The following NUDT12 variants were observed in gnomAD, a reference collection of about 807,000 sequenced individuals.
The protein encoded by NUDT12 is nudix hydrolase 12, also known as NAD-capped RNA hydrolase NUDT12.
In NUDT12, 42 loss-of-function variants were observed where a neutral mutation model predicts 45.7. That is an observed-to-expected ratio of 0.92 (90% CI 0.72 to 1.19). The LOEUF (loss-of-function observed/expected upper bound fraction) is 1.19. NUDT12 is among the 50% of genes most tolerant of loss of function. The pLI is 0.00. For synonymous variants in NUDT12, 206 were observed against 179.7 expected, an observed-to-expected ratio of 1.15 and a Z score of -1.17; for missense variants, 590 against 533.1, an observed-to-expected ratio of 1.11 and a Z score of -1.05.
intron 1 of NUDT12, among the ~76,000 whole-genome samples, chr5:103,562,064 A>G (rs1012307801): frequency 7.2e-5 from 11 of 152,324 alleles, no homozygotes; most frequent in African/African-American, 2.4e-4. Flanking sequence ...TAGAAGGTAA[A>G]GATTTGAAGG....
chr5:103,561,110 C>T (rs1295903527), intron 1 of NUDT12, among the ~76,000 whole-genome samples: 8 of 150,436 alleles, frequency 5.3e-5, no homozygotes, highest in Non-Finnish European at 1.0e-4. Context: ...CATGATTCAA[C>T]TGTCTGTGAA....
intron 6 of NUDT12, among the ~76,000 whole-genome samples, chr5:103,551,406 G>A (rs1301153226): frequency 2.0e-5 from 3 of 152,018 alleles, no homozygotes; most frequent in East Asian, 1.9e-4. Flanking sequence ...AAGCCACCAC[G>A]CCCCGCCTCA....
chr5:103,559,017 C>T lies in NUDT12; in HGVS notation c.658G>A (p.Glu220Lys). The T allele has an allele frequency of 1.2e-6, 2 of 1,613,816 alleles. No individual in the cohort carries two copies. Among genetic ancestry groups the T allele is most frequent in the Non-Finnish European group, 1.7e-6 (2 of 1,179,778 alleles). Residue 220 changes from glutamate to lysine, a missense_variant, in exon 3 of 7, where the codon GAG becomes AAG. Glu to Lys is a moderately conservative substitution (Grantham distance 56). Coordinates refer to ENST00000230792, the MANE Select transcript of NUDT12 (RefSeq NM_031438.4). ...LNYAGEVPRE[E>K]EDGLVAWFAL... ...AACCAGGCAACCAATCCATCTTCCT[C>T]CTCTCTCGGGACTTCACCAGCATAA...
At chr5:103,553,593 T>C (rs751985414) in intron 5 of NUDT12, among the ~76,000 whole-genome samples, 2 of 152,100 alleles carry the variant, frequency 1.3e-5, no homozygotes, top group Non-Finnish European at 2.9e-5. Flanking sequence ...AAGATGCTCA[T>C]AACACATGAG....
At position 103,548,973 on chromosome 5, in the gene NUDT12, T is replaced by C. The variant is rs1748567955; in HGVS notation, c.*1888A>G. The C allele has an allele frequency of 6.6e-6, 1 of 152,132 alleles. No individual in the cohort carries two copies. The highest frequency in any genetic ancestry group is 1.5e-5 in the Non-Finnish European group (1 of 67,998). 9.4% of individuals were successfully genotyped at this position (152,132 alleles called of 1,614,324 possible). A position where few individuals can be genotyped will look rare whatever the true frequency, so the allele number is the denominator to read the frequency against. The stretch of plus-strand genomic sequence containing the variant: ...CCTTCTATTTACATAGCTTTTCACC[T>C]CTCAGAGGTTGGCAATTTAAGAGTT... On this transcript the variant is annotated 3_prime_UTR_variant, in exon 7 of 7. Transcript: ENST00000230792.
At position 103,555,947 on chromosome 5, in the gene NUDT12, G is replaced by A; in HGVS notation, c.948C>T (p.Thr316=). Residue 316 remains threonine, a synonymous_variant, in exon 4 of 7, where the codon ACC becomes ACT. Transcript: ENST00000230792. Reference sequence around the variant, plus strand: ...AGGGCTTACCAACTCTTGGGTATGAGGTATTATGGACGCCATTGAGACTAG... The same window carrying A: ...AGGGCTTACCAACTCTTGGGTATGAAGTATTATGGACGCCATTGAGACTAG... ...DCPSLNGVHN[T]SYPRVDPVVI... is the part of the protein sequence containing the mutation. 2 of 1,591,000 alleles carry A rather than the reference G, an allele frequency of 1.3e-6. No individual in the cohort carries two copies. Among genetic ancestry groups the A allele is most frequent in the Non-Finnish European group, 1.7e-6 (2 of 1,168,744 alleles).
In NUDT12 at chr5:103,552,273, CT is replaced by C; in HGVS notation, c.1221del (p.Glu408LysfsTer9). The C allele has an allele frequency of 6.2e-7, 1 of 1,613,868 alleles. No individual in the cohort carries two copies. The highest frequency in any genetic ancestry group is 1.3e-5 in the African/African-American group (1 of 75,036). ...MIGCLALAVS[T>X]EIKVDKNEIE... ...ATTTCATTCTTGTCAACTTTAATTT[CT>C]GTAGACACTGCTAGAGCTAAGCAAC... On this transcript the variant is annotated frameshift_variant, in exon 6 of 7. Coordinates refer to ENST00000230792, the MANE Select transcript of NUDT12 (RefSeq NM_031438.4). LOFTEE classifies it high-confidence loss of function.
chr5:103,562,169 TAACA>T (rs1749052673), intron 1 of NUDT12, among the ~76,000 whole-genome samples: 1 of 152,158 alleles, frequency 6.6e-6, no homozygotes, highest in Non-Finnish European at 1.5e-5. Context: ...CATAAATTTT[TAACA>T]AACCAACATC....
rs1400625812 is a variant in NUDT12, at chr5:103,559,468, C to A, written c.207G>T (p.Gly69=). 1.4e-6 allele frequency: 2 copies of A among 1,408,160 alleles called. No individual in the cohort carries two copies. Among genetic ancestry groups the A allele is most frequent in the Non-Finnish European group, 1.9e-6 (2 of 1,073,094 alleles). The allele number at this position is 1,408,160 out of a possible 1,614,324, so 87.2% of individuals were successfully genotyped here. The part of the protein sequence containing the change: ...PEIVQFLLEK[G]CDRSIVNKSR... Reference sequence around the variant, plus strand: ...ATTTATTGACAATTGATCTGTCACACCTATAGATGGAAGAAAAAATTGGGG... The same window carrying A: ...ATTTATTGACAATTGATCTGTCACAACTATAGATGGAAGAAAAAATTGGGG... The change falls in exon 3 of 7, where the codon GGG becomes GGT. Residue 69 remains glycine, a splice_region_variant and synonymous_variant. Transcript: ENST00000230792.
At position 103,558,984 on chromosome 5, in the gene NUDT12, C is replaced by T. The variant is rs376881102; in HGVS notation, c.691G>A (p.Gly231Ser). 55 of 1,613,596 alleles carry T rather than the reference C, an allele frequency of 3.4e-5. 1 individual carries two copies. The Middle Eastern group carries it at 1.5e-3, about 43-fold the overall frequency. ...TCTTCAGCAGCAATAGGATCTATAC[C>T]TAGAGCAAACCAGGCAACCAATCCA... ...EDGLVAWFAL[G>S]IDPIAAEEFK... The change falls in exon 3 of 7, where the codon GGT becomes AGT. Residue 231 changes from glycine (G) to serine (S), a missense_variant. Gly to Ser is a moderately conservative substitution (Grantham distance 56). Coordinates refer to ENST00000230792, the MANE Select transcript of NUDT12 (RefSeq NM_031438.4).
At position 103,552,421 on chromosome 5, in the gene NUDT12, T is replaced by A. The variant is rs1283518084; in HGVS notation, c.1079-5A>T. ...CAGCATCTTCTATTGTCTCTCCTAA[T>A]GAAATGGAGCAAAAGAACAAGTTGC... On this transcript the variant is annotated splice_region_variant and splice_polypyrimidine_tract_variant and intron_variant, in intron 5 of 6. Coordinates refer to ENST00000230792, the MANE Select transcript of NUDT12 (RefSeq NM_031438.4). 6.2e-6 allele frequency: 10 copies of A among 1,610,982 alleles called. No homozygotes were observed. Among genetic ancestry groups the A allele is most frequent in the Non-Finnish European group, 7.6e-6 (9 of 1,177,592 alleles).
rs990435370 is a variant in NUDT12, at chr5:103,549,873, T to A, written c.*988A>T. The A allele has an allele frequency of 6.6e-6, 1 of 152,184 alleles. No individual in the cohort carries two copies. Among genetic ancestry groups the A allele is most frequent in the Non-Finnish European group, 1.5e-5 (1 of 68,012 alleles). 9.4% of individuals were successfully genotyped at this position (152,184 alleles called of 1,614,324 possible). A position where few individuals can be genotyped will look rare whatever the true frequency, so the allele number is the denominator to read the frequency against. The stretch of plus-strand genomic sequence containing the variant: ...ATATACTTACTTTGTCAAGGCTTCT[T>A]AGAATGTGTTGAAATAAGGTCAAAG... On this transcript the variant is annotated 3_prime_UTR_variant, in exon 7 of 7. Transcript: ENST00000230792.
Position 103,558,938 on chromosome 5 carries a change from T to C in NUDT12, c.737A>G (p.Asn246Ser), listed in dbSNP as rs1007589723. The change falls in exon 3 of 7, where the codon AAT (asparagine) becomes AGT (serine). Residue 246 changes from asparagine (N) to serine (S), a missense_variant. Physicochemically the swap from Asn to Ser is conservative, Grantham distance 46. Coordinates refer to ENST00000230792, the MANE Select transcript of NUDT12 (RefSeq NM_031438.4). ...AAEEFKQRHE[N>S]CYFLHPPMPA... is the part of the protein sequence containing the mutation. Reference sequence around the variant, plus strand: ...CATAGGAGGATGAAGAAAGTAACAATTTTCATGTCTTTGCTTGAATTCTTC... The same window carrying C: ...CATAGGAGGATGAAGAAAGTAACAACTTTCATGTCTTTGCTTGAATTCTTC... 3.1e-6 allele frequency: 5 copies of C among 1,610,226 alleles called. No homozygotes were observed. The highest frequency in any genetic ancestry group is 2.7e-5 in the African/African-American group (2 of 74,702).
chr5:103,551,395 TA>T (rs1257396974), intron 6 of NUDT12, among the ~76,000 whole-genome samples: 2 of 152,202 alleles, frequency 1.3e-5, no homozygotes, highest in Admixed American at 6.6e-5. Flanking sequence ...ATTACAGGTA[TA>T]AGCCACCACG....
chr5:103,548,885 T>C lies in NUDT12; in HGVS notation c.*1976A>G, dbSNP rs1187875065. 1 of 152,164 alleles carries C rather than the reference T, an allele frequency of 6.6e-6. No homozygotes were observed. Among genetic ancestry groups the C allele is most frequent in the Non-Finnish European group, 1.5e-5 (1 of 67,990 alleles). The allele number at this position is 152,164 out of a possible 1,614,324, so 9.4% of individuals were successfully genotyped here. A position where few individuals can be genotyped will look rare whatever the true frequency, so the allele number is the denominator to read the frequency against. Reference sequence around the variant, plus strand: ...TTTAAAAATTTAATGTATTATTACATTCATTTCCAGTAGAATACATTCACG... The same window carrying C: ...TTTAAAAATTTAATGTATTATTACACTCATTTCCAGTAGAATACATTCACG... On this transcript the variant is annotated 3_prime_UTR_variant, in exon 7 of 7. Transcript: ENST00000230792.
At chr5:103,553,971 A>C (rs540376921) in intron 5 of NUDT12, among the ~76,000 whole-genome samples, 94 of 152,136 alleles carry the variant, frequency 6.2e-4, no homozygotes, top group Non-Finnish European at 1.1e-3. Flanking sequence ...ATAAGGTTGT[A>C]TAAGGATCAT....
intron 2 of NUDT12, 172 bp downstream of exon 2, chr5:103,559,871 G>A: frequency 1.8e-6 from 1 of 554,688 alleles, no homozygotes; most frequent in Non-Finnish European, 3.2e-6. Flanking sequence ...AATGAAAAAG[G>A]TTACAAAGTT....
At chr5:103,555,302 T>C (rs984313407) in intron 4 of NUDT12, among the ~76,000 whole-genome samples, 1 of 152,060 alleles carries the variant, frequency 6.6e-6, no homozygotes, top group Non-Finnish European at 1.5e-5. Flanking sequence ...TTAAATAAAA[T>C]TTAAATAACA....
intron 6 of NUDT12, among the ~76,000 whole-genome samples, chr5:103,551,940 T>TAATTA (rs1308719176): frequency 2.6e-5 from 4 of 152,186 alleles, no homozygotes; most frequent in African/African-American, 9.7e-5. Context: ...CTAAACCCAC[T>TAATTA]GATAGGTATT....
Sources: gnomAD v4.1 joint callset for allele counts (sites outside exome capture counted in the v4.1 genomes callset) on GRCh38, gnomAD v4.1.1 for gene constraint, MANE v1.5 for transcripts, NCBI Gene and HGNC (gene_info 2026-07-23, HGNC 2026-07-21) for gene names.